GSDMD: variants seen among roughly 807,000 people sequenced by gnomAD.
The protein encoded by GSDMD is gasdermin-D.
Under a neutral mutation model 46.7 loss-of-function variants are expected in GSDMD, and 46 were observed. The observed-to-expected ratio is 0.99, with a 90% CI of 0.78 to 1.26. GSDMD has a LOEUF of 1.26. GSDMD is among the 50% of genes most tolerant of loss of function. The pLI is 0.00. For synonymous variants in GSDMD, 307 were observed against 283.1 expected, an observed-to-expected ratio of 1.08 and a Z score of -0.85; for missense variants, 649 against 638.8, an observed-to-expected ratio of 1.02 and a Z score of -0.17.
upstream of GSDMD, among the ~76,000 whole-genome samples, chr8:143,556,528 G>C (rs1823299502): frequency 6.6e-6 from 1 of 152,260 alleles, no homozygotes. Context: ...CTGGGCGACA[G>C]AGAGATCTTG....
intron 1 of GSDMD, chr8:143,558,740 C>T (rs1823372475): frequency 3.4e-6 from 2 of 596,458 alleles, no homozygotes; most frequent in Non-Finnish European, 6.1e-6. Flanking sequence ...CCTCCACTTT[C>T]AGCAGACCCA....
chr8:143,558,234 G>T, upstream of GSDMD: 1 of 1,295,276 alleles, frequency 7.7e-7, no homozygotes, highest in Non-Finnish European at 1.0e-6. Flanking sequence ...CTCCGGACGC[G>T]CGAGGCTGGT....
chr8:143,561,176 C>T (rs375203642), intron 5 of GSDMD, 72 bp downstream of exon 5: 47 of 1,460,414 alleles, frequency 3.2e-5, no homozygotes, highest in Non-Finnish European at 4.1e-5. Context: ...GAGAGCTACC[C>T]GCCAGCTTGG....
chr8:143,557,375 A>ATGACGAAGGATGCTGCCGCTT (rs1563902748), upstream of GSDMD, among the ~76,000 whole-genome samples: 46 of 71,566 alleles, frequency 6.4e-4, no homozygotes, highest in African/African-American at 2.2e-3. Context: ...TGCTGCCGCT[A>ATGACGAAGGATGCTGCCGCTT]TGGCGAAGGA....
intron 2 of GSDMD, 65 bp from the exon 3 acceptor site, chr8:143,559,712 A>G: frequency 7.2e-7 from 1 of 1,391,430 alleles, no homozygotes; most frequent in Non-Finnish European, 9.7e-7. Context: ...GGGCTGGGAC[A>G]GGGCTGGTGG....
At chr8:143,560,577 C>T (rs367549285) in intron 3 of GSDMD, 26 bp from the exon 4 acceptor site, 57 of 1,551,662 alleles carry the variant, frequency 3.7e-5, no homozygotes, top group African/African-American at 1.5e-4. Flanking sequence ...TGCGGCCCAG[C>T]GAGCTTTGCT....
chr8:143,561,509 G>T, intron 6 of GSDMD, 86 bp downstream of exon 6: 1 of 1,385,438 alleles, frequency 7.2e-7, no homozygotes, highest in South Asian at 1.2e-5. Context: ...CATGTTCTCA[G>T]GGCACAGGGA....
chr8:143,558,953 T>A, intron 1 of GSDMD: 1 of 557,812 alleles, frequency 1.8e-6, no homozygotes, highest in Non-Finnish European at 3.4e-6. Context: ...AGTGGGTCCC[T>A]GGTGACACTC....
chr8:143,559,293 C>T, intron 1 of GSDMD, 39 bp from the exon 2 acceptor site: 1 of 869,314 alleles, frequency 1.2e-6, no homozygotes, highest in South Asian at 1.5e-5. Context: ...CTCCCGCCCG[C>T]CCCGAGAGCA....
chr8:143,559,252 G>A, intron 1 of GSDMD, 80 bp from the exon 2 acceptor site: 1 of 863,652 alleles, frequency 1.2e-6, no homozygotes, highest in South Asian at 1.7e-5. Flanking sequence ...CATCATGGGA[G>A]ACATCCAAGT....
chr8:143,562,340 G>A lies in GSDMD; in HGVS notation c.1128G>A (p.Gly376=), dbSNP rs1009675063. The change falls in exon 9 of 11, where the codon GGG becomes GGA. Residue 376 remains glycine (G), a synonymous_variant. Coordinates refer to ENST00000262580, the MANE Select transcript of GSDMD (RefSeq NM_024736.7). ...ELAIPVVYLL[G]ALTMLSETQH... ...CTATCCCTGTTGTCTACCTGCTGGG[G>A]GCACTGACCAGTGAGCGGCCGCTGG... The A allele has an allele frequency of 3.9e-6, 6 of 1,535,092 alleles. No homozygotes were observed. In the African/African-American group the frequency reaches 6.9e-5, roughly 18 times the overall value.
upstream of GSDMD, chr8:143,553,776 C>T (rs1030284854): frequency 6.8e-6 from 1 of 147,010 alleles, no homozygotes; most frequent in African/African-American, 2.4e-5. Flanking sequence ...TTCGTCACTG[C>T]CCGTTGACCT....
chr8:143,557,298 AG>A (rs1285945160), upstream of GSDMD, among the ~76,000 whole-genome samples: 1 of 78,576 alleles, frequency 1.3e-5, no homozygotes, highest in African/African-American at 5.3e-5. Flanking sequence ...GCTATGGCGA[AG>A]GATGCTGCCG....
At chr8:143,559,311 T>A in intron 1 of GSDMD, 21 bp from the exon 2 acceptor site, 1 of 628,298 alleles carries the variant, frequency 1.6e-6, no homozygotes, top group Non-Finnish European at 2.6e-6. Context: ...GCACAATGCC[T>A]GACCCATTTC....
chr8:143,560,824 C>T (rs778131981), intron 4 of GSDMD, 53 bp downstream of exon 4: 109 of 1,462,538 alleles, frequency 7.5e-5, no homozygotes, highest in Non-Finnish European at 9.3e-5. Flanking sequence ...CATGCGGCGG[C>T]GGGTGACGGA....
At chr8:143,558,558 C>A in intron 1 of GSDMD, 107 bp downstream of exon 1, 1 of 1,127,030 alleles carries the variant, frequency 8.9e-7, no homozygotes, top group Non-Finnish European at 1.2e-6. Context: ...AGCGTTCGCC[C>A]AGAAGGCCCC....
In GSDMD at chr8:143,561,964, G is replaced by T; in HGVS notation, c.829G>T (p.Val277Phe). 4 of 1,608,906 alleles carry T rather than the reference G, an allele frequency of 2.5e-6. No homozygotes were observed. The highest frequency in any genetic ancestry group is 3.4e-6 in the Non-Finnish European group (4 of 1,178,280). The change falls in exon 8 of 11, where the codon GTC becomes TTC. Residue 277 changes from valine (V) to phenylalanine (F), a missense_variant. Val to Phe is a conservative substitution (Grantham distance 50). Transcript: ENST00000262580. ...RCLHNFLTDG[V>F]PAEGAFTEDF... ...CAGCCCTTCTGTCCCTACAGATGGG[G>T]TCCCTGCGGAGGGGGCGTTCACTGA...
chr8:143,561,109 G>A lies in GSDMD; in HGVS notation c.682+5G>A. 1 of 1,611,684 alleles carries A rather than the reference G, an allele frequency of 6.2e-7. No individual in the cohort carries two copies. The highest frequency in any genetic ancestry group is 8.5e-7 in the Non-Finnish European group (1 of 1,178,692). On this transcript the variant is annotated splice_donor_5th_base_variant and intron_variant, in intron 5 of 10. Coordinates refer to ENST00000262580, the MANE Select transcript of GSDMD (RefSeq NM_024736.7). ...TGGTTATTGACTCTGACTTGGGTGA[G>A]CTGGAGTTGGGGGTGTCTCGGGCCC...
upstream of GSDMD, chr8:143,558,296 T>C (rs1283450497): frequency 2.0e-6 from 3 of 1,494,562 alleles, no homozygotes; most frequent in Admixed American, 2.3e-5. Context: ...CGGGGCGGGC[T>C]CTCCGGGACG....
Sources: gnomAD v4.1 joint callset for allele counts (sites outside exome capture counted in the v4.1 genomes callset) on GRCh38, gnomAD v4.1.1 for gene constraint, MANE v1.5 for transcripts, NCBI Gene and HGNC (gene_info 2026-07-23, HGNC 2026-07-21) for gene names.